The following SHISA9 variants were observed in gnomAD, a reference collection of about 807,000 sequenced individuals.
SHISA9 encodes shisa family member 9.
SHISA9 carries 13 observed loss-of-function variants against 38.0 expected under a neutral mutation model. That is an observed-to-expected ratio of 0.34 (90% CI 0.22 to 0.54). The LOEUF (loss-of-function observed/expected upper bound fraction) is 0.54. Ranked by LOEUF, SHISA9 falls within the 20% of genes least tolerant of loss-of-function variation. The pLI is 0.91. For synonymous variants in SHISA9, 275 were observed against 242.0 expected (o/e 1.14, Z -1.27); for missense variants, 538 against 575.8 (o/e 0.93, Z 0.67).
At chr16:13,115,012 A>G (rs2074018026) in intron 2 of SHISA9, among the ~76,000 whole-genome samples, 1 of 149,386 alleles carries the variant, frequency 6.7e-6, no homozygotes. Context: ...TATCATGATT[A>G]TCTATTTATC....
At chr16:13,234,265 C>T (rs2051359467) in intron 4 of SHISA9, among the ~76,000 whole-genome samples, 1 of 152,116 alleles carries the variant, frequency 6.6e-6, no homozygotes, top group Admixed American at 6.5e-5. Context: ...CTTGATAGAA[C>T]ATTACTTGAG....
the SHISA9 span, among the ~76,000 whole-genome samples, chr16:13,469,324 A>G: frequency 8.2e-3 from 665 of 80,840 alleles, 2 homozygotes; most frequent in African/African-American, 0.014. Flanking sequence ...GAGAGAGAGA[A>G]AGAAAGAAAG....
At chr16:13,031,862 G>A (rs1288540686) in intron 2 of SHISA9, among the ~76,000 whole-genome samples, 4 of 152,168 alleles carry the variant, frequency 2.6e-5, no homozygotes, top group Middle Eastern at 3.4e-3. Context: ...GAAACAATAG[G>A]CAAATGCAGA....
At chr16:13,505,347 A>G in the SHISA9 span, among the ~76,000 whole-genome samples, 1 of 152,244 alleles carries the variant, frequency 6.6e-6, no homozygotes, top group South Asian at 2.1e-4. Flanking sequence ...GGCTTCGTAT[A>G]TTCTTATTGA....
chr16:13,040,041 C>G (rs979391847), intron 2 of SHISA9, among the ~76,000 whole-genome samples: 4 of 152,206 alleles, frequency 2.6e-5, no homozygotes, highest in African/African-American at 9.6e-5. Flanking sequence ...AGGTCATTTC[C>G]TCTTGGTCCA....
chr16:13,203,321 A>G (rs2051024190), intron 2 of SHISA9, 73 bp from the exon 3 acceptor site: 1 of 1,356,360 alleles, frequency 7.4e-7, no homozygotes, highest in African/African-American at 1.5e-5. Flanking sequence ...GTCTCCAGTG[A>G]TGTGGTGATG....
the SHISA9 span, among the ~76,000 whole-genome samples, chr16:13,258,863 G>C: frequency 2.0e-5 from 3 of 152,082 alleles, no homozygotes; most frequent in African/African-American, 7.2e-5. Context: ...TAGGAGATAC[G>C]ATTCAAGTTA....
the SHISA9 span, among the ~76,000 whole-genome samples, chr16:13,335,250 G>A: frequency 6.6e-6 from 1 of 152,218 alleles, no homozygotes; most frequent in Non-Finnish European, 1.5e-5. Context: ...GGATTAGTTA[G>A]GTGAGAGCAA....
At chr16:13,087,937 G>T (rs2141944052) in intron 2 of SHISA9, among the ~76,000 whole-genome samples, 1 of 152,238 alleles carries the variant, frequency 6.6e-6, no homozygotes, top group Non-Finnish European at 1.5e-5. Context: ...TTTTCTTCTA[G>T]GATTTTTATG....
At chr16:13,077,473 GC>G (rs2073596361) in intron 2 of SHISA9, among the ~76,000 whole-genome samples, 1 of 152,034 alleles carries the variant, frequency 6.6e-6, no homozygotes, top group African/African-American at 2.4e-5. Context: ...ATGCTCTCTG[GC>G]CCAATCAGGA....
At chr16:13,344,269 C>A in the SHISA9 span, among the ~76,000 whole-genome samples, 2 of 152,168 alleles carry the variant, frequency 1.3e-5, no homozygotes, top group South Asian at 2.1e-4. Context: ...ATTGGAGAAC[C>A]AGCCAGTAGG....
chr16:13,510,445 C>T, the SHISA9 span, among the ~76,000 whole-genome samples: 5 of 152,206 alleles, frequency 3.3e-5, no homozygotes, highest in Admixed American at 6.5e-5. Context: ...TACTATATCA[C>T]GTTAACAAAC....
chr16:13,221,063 T>G (rs1040259869), intron 4 of SHISA9, among the ~76,000 whole-genome samples: 27 of 151,284 alleles, frequency 1.8e-4, no homozygotes, highest in African/African-American at 6.3e-4. Flanking sequence ...TACCACCGCC[T>G]GTTGGGAGCC....
At chr16:12,926,900 T>A (rs1448391026) in intron 2 of SHISA9, among the ~76,000 whole-genome samples, 1 of 152,190 alleles carries the variant, frequency 6.6e-6, no homozygotes, top group Non-Finnish European at 1.5e-5. Flanking sequence ...ATTAATTTTG[T>A]ACAAATTGCA....
chr16:12,911,388 C>G, intron 1 of SHISA9: 1 of 985,326 alleles, frequency 1.0e-6, no homozygotes, highest in Non-Finnish European at 1.2e-6. Flanking sequence ...ACATTCCTGT[C>G]TATAAAATGT....
At chr16:13,084,127 A>G (rs2073684816) in intron 2 of SHISA9, among the ~76,000 whole-genome samples, 1 of 152,196 alleles carries the variant, frequency 6.6e-6, no homozygotes, top group Non-Finnish European at 1.5e-5. Flanking sequence ...CTAGTTTCTT[A>G]TAAATTATCT....
At chr16:13,151,197 C>T (rs1341882380) in intron 2 of SHISA9, among the ~76,000 whole-genome samples, 6 of 152,164 alleles carry the variant, frequency 3.9e-5, no homozygotes, top group South Asian at 2.1e-4. Flanking sequence ...ACATTTGCCT[C>T]CCGGGTTCAA....
intron 2 of SHISA9, among the ~76,000 whole-genome samples, chr16:12,928,094 A>G (rs2141737391): frequency 6.6e-6 from 1 of 152,362 alleles, no homozygotes; most frequent in South Asian, 2.1e-4. Context: ...AGTAGTTCTC[A>G]AAATAAAAGA....
At chr16:13,356,126 G>C in the SHISA9 span, among the ~76,000 whole-genome samples, 1 of 152,214 alleles carries the variant, frequency 6.6e-6, no homozygotes, top group Non-Finnish European at 1.5e-5. Flanking sequence ...GCTGGGGTTT[G>C]TCTCACAGTG....
Sources: gnomAD v4.1 joint callset for allele counts (sites outside exome capture counted in the v4.1 genomes callset) on GRCh38, gnomAD v4.1.1 for gene constraint, MANE v1.5 for transcripts, NCBI Gene and HGNC (gene_info 2026-07-23, HGNC 2026-07-21) for gene names.